NETO1: variants seen among roughly 807,000 people sequenced by gnomAD.
The protein encoded by NETO1 is neuropilin and tolloid-like protein 1.
In NETO1, 26 loss-of-function variants were observed where a neutral mutation model predicts 61.3. That is an observed-to-expected ratio of 0.42 (90% CI 0.31 to 0.59). NETO1 has a LOEUF of 0.59. Among genes scored for constraint, NETO1 ranks in the 20% least tolerant of loss-of-function variants. NETO1 has a pLI of 0.12. For synonymous variants in NETO1, 225 were observed against 225.8 expected (o/e 1.00, Z 0.03); for missense variants, 531 against 662.8 (o/e 0.80, Z 2.18).
intron 4 of NETO1, among the ~76,000 whole-genome samples, chr18:72,818,782 G>A (rs60704913): frequency 0.049 from 7,389 of 151,186 alleles, 628 homozygotes; most frequent in African/African-American, 0.17. Context: ...ACATTTTTTC[G>A]TTTATCTATT....
intron 3 of NETO1, among the ~76,000 whole-genome samples, chr18:72,860,729 GTT>G (rs34189999): frequency 7.6e-5 from 11 of 144,060 alleles, no homozygotes; most frequent in South Asian, 2.2e-4. Context: ...CAATGACGTG[GTT>G]TTTTTTTTTC....
chr18:72,867,077 C>T (rs537026035), intron 1 of NETO1, 187 bp downstream of exon 1: 2 of 480,426 alleles, frequency 4.2e-6, no homozygotes, highest in South Asian at 4.6e-5. Flanking sequence ...GACGGCTGAC[C>T]GCGCGCCGCC....
intron 7 of NETO1, among the ~76,000 whole-genome samples, chr18:72,770,744 T>C (rs1470291464): frequency 1.3e-5 from 2 of 152,170 alleles, no homozygotes; most frequent in Non-Finnish European, 2.9e-5. Flanking sequence ...GTGAAATATA[T>C]AGTGAATAGA....
At chr18:72,863,464 T>C (rs2074641563) in intron 3 of NETO1, among the ~76,000 whole-genome samples, 1 of 152,210 alleles carries the variant, frequency 6.6e-6, no homozygotes, top group African/African-American at 2.4e-5. Context: ...TATTGTTAAG[T>C]CCTATGAGGC....
intron 7 of NETO1, among the ~76,000 whole-genome samples, chr18:72,758,262 A>G (rs920756284): frequency 2.6e-5 from 4 of 152,110 alleles, no homozygotes; most frequent in Non-Finnish European, 2.9e-5. Context: ...CAAGAATGCA[A>G]TAAGTAATTC....
intron 3 of NETO1, 106 bp downstream of exon 3, chr18:72,864,702 T>G: frequency 7.0e-7 from 1 of 1,426,942 alleles, no homozygotes; most frequent in Non-Finnish European, 9.7e-7. Flanking sequence ...GCGCATGATC[T>G]CCAGATCAAT....
intron 9 of NETO1, 86 bp from the exon 10 acceptor site, chr18:72,749,174 A>G (rs2070507724): frequency 2.4e-6 from 2 of 841,570 alleles, no homozygotes; most frequent in Non-Finnish European, 4.1e-6. Context: ...AGCATTTTTA[A>G]AATTCAGAAA....
Position 72,745,376 on chromosome 18 carries a change from T to C in NETO1, c.*2803A>G, listed in dbSNP as rs975515506. The C allele has an allele frequency of 8.5e-5, 13 of 152,158 alleles. No individual in the cohort carries two copies. Among genetic ancestry groups the C allele is most frequent in the Admixed American group, 3.3e-4 (5 of 15,268 alleles). The allele number at this position is 152,158 out of a possible 1,614,324, so 9.4% of individuals were successfully genotyped here. A position where few individuals can be genotyped will look rare whatever the true frequency, so the allele number is the denominator to read the frequency against. ...ATTGGCATTGCATGTGATTATATGCTACCATTATTTTGAAAAGTGAATGAA... is the reference window on the plus strand; with the variant it reads ...ATTGGCATTGCATGTGATTATATGCCACCATTATTTTGAAAAGTGAATGAA... On this transcript the variant is annotated 3_prime_UTR_variant, in exon 11 of 11. Coordinates refer to ENST00000327305, the MANE Select transcript of NETO1 (RefSeq NM_138966.5).
chr18:72,818,960 C>T (rs570260254), intron 4 of NETO1, among the ~76,000 whole-genome samples: 5 of 152,228 alleles, frequency 3.3e-5, no homozygotes, highest in South Asian at 2.1e-4. Context: ...AAAACACACA[C>T]GTTTAAAATG....
At position 72,745,062 on chromosome 18, in the gene NETO1, A is replaced by G. The variant is rs1200850552; in HGVS notation, c.*3117T>C. ...CTCACGGAAATACTTCTAGAGCAAA[A>G]GTAAATGTGAAACAGAAAAACCAGC... On this transcript the variant is annotated 3_prime_UTR_variant, in exon 11 of 11. Transcript: ENST00000327305. 6.6e-6 allele frequency: 1 copy of G among 152,218 alleles called. No individual in the cohort carries two copies. Among genetic ancestry groups the G allele is most frequent in the Non-Finnish European group, 1.5e-5 (1 of 68,034 alleles). The allele number at this position is 152,218 out of a possible 1,614,324, so 9.4% of individuals were successfully genotyped here. A position where few individuals can be genotyped will look rare whatever the true frequency, so the allele number is the denominator to read the frequency against.
At chr18:72,789,227 C>T (rs2072030943) in intron 6 of NETO1, among the ~76,000 whole-genome samples, 1 of 144,898 alleles carries the variant, frequency 6.9e-6, no homozygotes, top group Admixed American at 6.8e-5. Context: ...CACACACACA[C>T]ACACACACAC....
intron 4 of NETO1, among the ~76,000 whole-genome samples, chr18:72,804,270 C>T (rs951659274): frequency 2.6e-5 from 4 of 152,006 alleles, no homozygotes; most frequent in Non-Finnish European, 5.9e-5. Flanking sequence ...GAACGTCTGC[C>T]CCGACCAACC....
chr18:72,781,375 C>T (rs2071734518), intron 7 of NETO1, among the ~76,000 whole-genome samples: 1 of 152,134 alleles, frequency 6.6e-6, no homozygotes, highest in African/African-American at 2.4e-5. Flanking sequence ...CAGTGAGCCA[C>T]CAAGGGTGTT....
At chr18:72,789,379 A>C (rs1415611310) in intron 6 of NETO1, among the ~76,000 whole-genome samples, 1 of 152,126 alleles carries the variant, frequency 6.6e-6, no homozygotes, top group Non-Finnish European at 1.5e-5. Context: ...GCCATTTTAA[A>C]ACTTGAACTG....
At chr18:72,779,682 G>C (rs2071672840) in intron 7 of NETO1, among the ~76,000 whole-genome samples, 1 of 152,150 alleles carries the variant, frequency 6.6e-6, no homozygotes, top group Admixed American at 6.5e-5. Context: ...GGATGACTTT[G>C]ATCTTAGGTA....
intron 4 of NETO1, among the ~76,000 whole-genome samples, chr18:72,800,709 G>A (rs2145313150): frequency 6.6e-6 from 1 of 152,256 alleles, no homozygotes; most frequent in Admixed American, 6.5e-5. Context: ...CTAAAAATGT[G>A]CTATAAGGGA....
intron 4 of NETO1, among the ~76,000 whole-genome samples, chr18:72,821,506 G>A (rs957917073): frequency 2.5e-4 from 37 of 150,586 alleles, no homozygotes; most frequent in African/African-American, 5.6e-4. Context: ...TGGAGGTTGC[G>A]GTGAGCCGAG....
intron 4 of NETO1, among the ~76,000 whole-genome samples, chr18:72,849,900 C>T (rs1199740294): frequency 2.6e-5 from 4 of 152,190 alleles, no homozygotes; most frequent in African/African-American, 4.8e-5. Flanking sequence ...ATCTTCAAAG[C>T]CCACAATAGC....
At chr18:72,751,088 A>G (rs1568169472) in intron 8 of NETO1, among the ~76,000 whole-genome samples, 1 of 87,506 alleles carries the variant, frequency 1.1e-5, no homozygotes, top group Non-Finnish European at 2.5e-5. Flanking sequence ...ATCTATCTAT[A>G]AAGTAACAAC....
Sources: allele counts gnomAD v4.1 joint callset (sites outside exome capture counted in the v4.1 genomes callset), GRCh38; gene constraint gnomAD v4.1.1; transcripts MANE v1.5; gene names NCBI Gene and HGNC (gene_info 2026-07-23, HGNC 2026-07-21).